MAU2: variants seen among roughly 807,000 people sequenced by gnomAD.
MAU2 encodes the protein MAU2 chromatid cohesion factor homolog.
A neutral mutation model predicts 89.1 loss-of-function variants in MAU2; 9 were observed. That is an observed-to-expected ratio of 0.10 (90% CI 0.06 to 0.18). MAU2 has a LOEUF of 0.18. Among genes scored for constraint, MAU2 ranks in the 10% least tolerant of loss-of-function variants. The probability of loss-of-function intolerance (pLI) is 1.00; values close to 1 mark genes in which losing one functional copy is unlikely to be tolerated. For missense variants in MAU2, 425 were observed against 803.5 expected, an observed-to-expected ratio of 0.53 and a Z score of 5.69; for synonymous variants, 357 against 343.4, an observed-to-expected ratio of 1.04 and a Z score of -0.44.
rs2061683812 is a variant in MAU2, at chr19:19,345,281, ATG to A, written c.1156-22_1156-21del. 1 of 1,611,156 alleles carries A rather than the reference ATG, an allele frequency of 6.2e-7. No individual in the cohort carries two copies. Among genetic ancestry groups the A allele is most frequent in the East Asian group, 2.2e-5 (1 of 44,822 alleles). ...GCCCCCTCCCCAGGGGCCGGCCCTG[ATG>A]ACAACACCACCTTCTTCCAGGGCCT... is the stretch of plus-strand genomic sequence containing the variant. On this transcript the variant is annotated intron_variant, in intron 11 of 18. Transcript: ENST00000262815. The surrounding 1 kb of genome is among the most constrained non-coding windows in gnomAD (Gnocchi z 4.9).
At chr19:19,326,722 A>ACATATATATATGTG in intron 1 of MAU2, among the ~76,000 whole-genome samples, 1 of 38,614 alleles carries the variant, frequency 2.6e-5, no homozygotes, top group Middle Eastern at 0.014. Context: ...ATATATATAC[A>ACATATATATATGTG]TATATATATA....
chr19:19,334,258 C>T (rs1225113818), intron 1 of MAU2: 6 of 985,562 alleles, frequency 6.1e-6, no homozygotes, highest in Non-Finnish European at 7.2e-6. Flanking sequence ...CCGAGCCCCT[C>T]CTGTCCGTGC....
chr19:19,337,111 T>A (rs1228878240), intron 3 of MAU2, 59 bp from the exon 4 acceptor site: 1 of 1,330,540 alleles, frequency 7.5e-7, no homozygotes, highest in African/African-American at 1.5e-5. Context: ...GAATCCAGCT[T>A]GATTGCCGCC....
At chr19:19,354,815 C>T (rs563931128) in intron 17 of MAU2, among the ~76,000 whole-genome samples, 1 of 152,242 alleles carries the variant, frequency 6.6e-6, no homozygotes, top group East Asian at 1.9e-4. Flanking sequence ...GGGCACTCAG[C>T]GGGTATCATT....
intron 1 of MAU2, among the ~76,000 whole-genome samples, chr19:19,332,895 A>AAG (rs2061567361): frequency 6.6e-6 from 1 of 152,072 alleles, no homozygotes; most frequent in Non-Finnish European, 1.5e-5. Flanking sequence ...TGACCAACGT[A>AAG]GAGAAACCCC....
intron 1 of MAU2, chr19:19,334,043 A>C: frequency 1.5e-5 from 5 of 339,672 alleles, no homozygotes; most frequent in Non-Finnish European, 2.1e-5. Context: ...CATCCCTTCC[A>C]GTTGGTGGCC....
chr19:19,353,389 G>A (rs950152693), intron 16 of MAU2: 2 of 152,202 alleles, frequency 1.3e-5, no homozygotes, highest in African/African-American at 2.4e-5. Flanking sequence ...GGTTTCAAAA[G>A]GGCTTGGTGA....
chr19:19,343,965 G>A, intron 10 of MAU2, 25 bp downstream of exon 10: 6 of 1,582,484 alleles, frequency 3.8e-6, no homozygotes, highest in Non-Finnish European at 4.3e-6. Flanking sequence ...AGGAGGGGCG[G>A]GAAGGCCCAG....
rs751852197 is a variant in MAU2 at position 19,355,390 on chromosome 19, C to T, written c.1766C>T (p.Thr589Met). Residue 589 changes from threonine to methionine, a missense_variant and splice_region_variant, in exon 18 of 19, where the codon ACG (threonine) becomes ATG (methionine). This residue lies in a region of MAU2 where 42 missense variants were observed against 42.4 expected (regional missense o/e 0.99). Coordinates refer to ENST00000262815, the MANE Select transcript of MAU2 (RefSeq NM_015329.4). ...ACSLPEHNLI[T>M]WTDGPPPVQF... is the part of the protein sequence containing the mutation. ...AGCCTCCCCGAACACAACCTCATCA[C>T]GGTACGGGTGTGGGTGTTAGGGGAC... 3.1e-6 allele frequency: 5 copies of T among 1,613,778 alleles called. No homozygotes were observed. Among genetic ancestry groups the T allele is most frequent in the Non-Finnish European group, 4.2e-6 (5 of 1,179,972 alleles).
chr19:19,358,298 T>C lies in MAU2; in HGVS notation c.*2516T>C, dbSNP rs2048201662. ...CCTTGTCCTGTGGGTTGAGGGGGTCTGACCAGGAGGCCACCTACAGCAGGA... is the reference window on the plus strand; with the variant it reads ...CCTTGTCCTGTGGGTTGAGGGGGTCCGACCAGGAGGCCACCTACAGCAGGA... On this transcript the variant is annotated 3_prime_UTR_variant, in exon 19 of 19. Transcript: ENST00000262815. 6.6e-6 allele frequency: 1 copy of C among 152,276 alleles called. No homozygotes were observed. The allele number at this position is 152,276 out of a possible 1,614,324, so 9.4% of individuals were successfully genotyped here. A position where few individuals can be genotyped will look rare whatever the true frequency, so the allele number is the denominator to read the frequency against.
Position 19,320,879 on chromosome 19 carries a change from C to T in MAU2, c.20C>T (p.Ala7Val), listed in dbSNP as rs754678731. The change falls in exon 1 of 19, where the codon GCA becomes GTA. Residue 7 changes from alanine (A) to valine (V), a missense_variant. Physicochemically the swap from Ala to Val is moderately conservative, Grantham distance 64. This residue lies in a region of MAU2 where 61 missense variants were observed against 40.1 expected (regional missense o/e 1.52). Coordinates refer to ENST00000262815, the MANE Select transcript of MAU2 (RefSeq NM_015329.4). MAAQAAAAAQAAAAQAA... is the reference protein window; with the variant it reads MAAQAAVAAQAAAAQAA... Reference sequence around the variant, plus strand: ...GCCAAAATGGCGGCTCAGGCGGCGGCAGCGGCCCAGGCGGCGGCGGCCCAG... The same window carrying T: ...GCCAAAATGGCGGCTCAGGCGGCGGTAGCGGCCCAGGCGGCGGCGGCCCAG... 4 of 1,513,816 alleles carry T rather than the reference C, an allele frequency of 2.6e-6. No homozygotes were observed. Among genetic ancestry groups the T allele is most frequent in the South Asian group, 1.3e-5 (1 of 79,758 alleles). 93.8% of individuals were successfully genotyped at this position (1,513,816 alleles called of 1,614,324 possible). A position where few individuals can be genotyped will look rare whatever the true frequency, so the allele number is the denominator to read the frequency against.
rs1427181955 is a variant in MAU2, at chr19:19,357,319, C to T, written c.*1537C>T. 1.3e-5 allele frequency: 2 copies of T among 152,452 alleles called. No individual in the cohort carries two copies. Among genetic ancestry groups the T allele is most frequent in the Non-Finnish European group, 2.9e-5 (2 of 68,190 alleles). The allele number at this position is 152,452 out of a possible 1,614,324, so 9.4% of individuals were successfully genotyped here. On this transcript the variant is annotated 3_prime_UTR_variant, in exon 19 of 19. Transcript: ENST00000262815. ...AGAGCCTGGCCCTGTCCTTTGCTAC[C>T]CAGGGCTGCCCCCAGGCCCATGAAG...
intron 9 of MAU2, 147 bp from the exon 10 acceptor site, chr19:19,343,690 A>T (rs776679281): frequency 9.0e-6 from 6 of 663,052 alleles, no homozygotes; most frequent in Non-Finnish European, 1.6e-5. Context: ...TCCTTCACTC[A>T]GAGGGTGCAG....
chr19:19,340,120 G>A (rs1441068902), intron 5 of MAU2, among the ~76,000 whole-genome samples: 68 of 147,834 alleles, frequency 4.6e-4, no homozygotes, highest in Non-Finnish European at 1.3e-4. Context: ...AGCTGAGATC[G>A]CGCCACTGCA....
In MAU2 at chr19:19,340,776, G is replaced by T. The variant is rs2061638228; in HGVS notation, c.552-70G>T. The T allele has an allele frequency of 8.3e-6, 13 of 1,564,516 alleles. No homozygotes were observed. In the South Asian group the frequency reaches 1.5e-4, roughly 18 times the overall value. On this transcript the variant is annotated intron_variant, in intron 5 of 18. Coordinates refer to ENST00000262815, the MANE Select transcript of MAU2 (RefSeq NM_015329.4). The stretch of plus-strand genomic sequence containing the variant: ...TGGCATATTAGGTCCTGTGAGCCTT[G>T]GGGTAATCACAGTCATCCCAGGAGG...
rs1007878844 is a variant in MAU2, at chr19:19,348,879, TC to T, written c.1309-5del. ...TGCAGAATGGTGCTGACTGGCTCTT[TC>T]CCCCGCAGCTCTACAGTCTGCTGGA... On this transcript the variant is annotated splice_polypyrimidine_tract_variant and intron_variant, in intron 13 of 18. Transcript: ENST00000262815. 1 of 1,613,912 alleles carries T rather than the reference TC, an allele frequency of 6.2e-7. No homozygotes were observed. Among genetic ancestry groups the T allele is most frequent in the Non-Finnish European group, 8.5e-7 (1 of 1,179,976 alleles).
At chr19:19,322,872 C>T (rs914741850) in intron 1 of MAU2, among the ~76,000 whole-genome samples, 14 of 152,138 alleles carry the variant, frequency 9.2e-5, no homozygotes, top group African/African-American at 3.4e-4. Context: ...TGGAAGGAGA[C>T]TTTATTTTAT....
At chr19:19,338,028 G>A (rs114392730) in intron 4 of MAU2, among the ~76,000 whole-genome samples, 3,150 of 152,304 alleles carry the variant, frequency 0.021, 112 homozygotes, top group African/African-American at 0.072. Flanking sequence ...CCATGACCCA[G>A]CCTGCCTTCC....
At chr19:19,343,812 G>A (rs1369361293) in intron 9 of MAU2, 25 bp from the exon 10 acceptor site, 1 of 1,586,296 alleles carries the variant, frequency 6.3e-7, no homozygotes, top group Non-Finnish European at 8.6e-7. Flanking sequence ...TCCCCTGCAT[G>A]CTTACCCCTG....
Sources: gnomAD v4.1 joint callset for allele counts (sites outside exome capture counted in the v4.1 genomes callset) on GRCh38, gnomAD v4.1.1 for gene constraint, gnomAD v4.1.1 regional missense constraint, Gnocchi (gnomAD v3.1) non-coding constraint, MANE v1.5 for transcripts, NCBI Gene and HGNC (gene_info 2026-07-23, HGNC 2026-07-21) for gene names.